Variants in SLC2A1 observed in about 807,000 individuals in gnomAD.
SLC2A1 encodes the protein solute carrier family 2, facilitated glucose transporter member 1.
A neutral mutation model predicts 46.6 loss-of-function variants in SLC2A1; 4 were observed. That is an observed-to-expected ratio of 0.09 (90% CI 0.04 to 0.20). The LOEUF is 0.20. Ranked by LOEUF, SLC2A1 falls within the 10% of genes least tolerant of loss-of-function variation. The pLI is 1.00. For synonymous variants in SLC2A1, 253 were observed against 270.0 expected, an observed-to-expected ratio of 0.94 and a Z score of 0.62; for missense variants, 352 against 667.0, an observed-to-expected ratio of 0.53 and a Z score of 5.20.
intron 2 of SLC2A1, among the ~76,000 whole-genome samples, chr1:42,935,185 G>A (rs1181822512): frequency 6.6e-6 from 1 of 152,142 alleles, no homozygotes; most frequent in Non-Finnish European, 1.5e-5. Flanking sequence ...CTGTCCAGGT[G>A]CCTCACTGAG....
intron 2 of SLC2A1, among the ~76,000 whole-genome samples, chr1:42,939,875 C>T (rs59042803): frequency 0.25 from 37,769 of 150,000 alleles, 5,123 homozygotes; most frequent in African/African-American, 0.35. Context: ...ACCACTTGAA[C>T]CCAGGAAGCG....
Position 42,954,460 on chromosome 1 carries a change from G to T in SLC2A1, c.18+4174C>A, listed in dbSNP as rs1041434024. ...GAACCACTAGAACCTGGGAGGCGAA[G>T]GTTGTGGTGAGCTGAGATTGTGTCA... On this transcript the variant is annotated intron_variant, in intron 1 of 9. Coordinates refer to ENST00000426263, the MANE Select transcript of SLC2A1 (RefSeq NM_006516.4). The surrounding 1 kb of genome is among the most constrained non-coding windows in gnomAD (Gnocchi z 4.2). Among the ~76,000 whole-genome samples, 19 of 152,248 alleles carry T rather than the reference G, an allele frequency of 1.2e-4. No individual in the cohort carries two copies. The highest frequency in any genetic ancestry group is 4.3e-4 in the African/African-American group (18 of 41,462).
intron 1 of SLC2A1, among the ~76,000 whole-genome samples, chr1:42,944,270 C>T (rs1178872994): frequency 6.6e-6 from 1 of 152,184 alleles, no homozygotes; most frequent in East Asian, 1.9e-4. Context: ...GTGAAGAGCC[C>T]TGCTTAGCCA....
chr1:42,949,765 T>C (rs1031148978), intron 1 of SLC2A1, among the ~76,000 whole-genome samples: 5 of 152,130 alleles, frequency 3.3e-5, no homozygotes, highest in African/African-American at 9.7e-5. Flanking sequence ...GGGGAGCGAT[T>C]ACTCCCTTTT....
At chr1:42,932,505 A>C (rs755302802) in intron 2 of SLC2A1, among the ~76,000 whole-genome samples, 16 of 152,124 alleles carry the variant, frequency 1.1e-4, no homozygotes, top group Admixed American at 3.9e-4. Flanking sequence ...ACAAACTCAC[A>C]TGCCCCTCAT....
intron 8 of SLC2A1, 102 bp downstream of exon 8, chr1:42,928,830 C>T: frequency 9.8e-7 from 1 of 1,020,556 alleles, no homozygotes; most frequent in Non-Finnish European, 1.5e-6. Context: ...AGAATGCAGC[C>T]ACCAAAAGGC....
chr1:42,928,840 C>T (rs970765950), intron 8 of SLC2A1, 92 bp downstream of exon 8: 14 of 1,155,030 alleles, frequency 1.2e-5, no homozygotes, highest in Middle Eastern at 3.8e-4. Flanking sequence ...CACCAAAAGG[C>T]CTGCCAGCCT....
intron 2 of SLC2A1, among the ~76,000 whole-genome samples, chr1:42,940,409 A>AT (rs1643585564): frequency 6.6e-6 from 1 of 152,230 alleles, no homozygotes; most frequent in Non-Finnish European, 1.5e-5. Flanking sequence ...TATTACTATG[A>AT]CAGGCACCGT....
Position 42,927,155 on chromosome 1 carries a change from A to G in SLC2A1, c.1365T>C (p.Thr455=). The G allele has an allele frequency of 6.2e-7, 1 of 1,614,184 alleles. No individual in the cohort carries two copies. Among genetic ancestry groups the G allele is most frequent in the Non-Finnish European group, 8.5e-7 (1 of 1,180,032 alleles). Residue 455 remains threonine, a synonymous_variant, in exon 10 of 10, where the codon ACT becomes ACC. Transcript: ENST00000426263. The surrounding 1 kb of genome is among the most constrained non-coding windows in gnomAD (Gnocchi z 5.3). Reference sequence around the variant, plus strand: ...CGATCTCATCGAAGGTCCGGCCTTTAGTCTCAGGAACTTTGAAGTAGGTGA... The same window carrying G: ...CGATCTCATCGAAGGTCCGGCCTTTGGTCTCAGGAACTTTGAAGTAGGTGA... ...FIFTYFKVPE[T]KGRTFDEIAS... is the part of the protein sequence containing the mutation.
chr1:42,933,616 C>T (rs1485204062), intron 2 of SLC2A1, among the ~76,000 whole-genome samples: 1 of 152,144 alleles, frequency 6.6e-6, no homozygotes, highest in East Asian at 1.9e-4. Flanking sequence ...AAGTGTTCTT[C>T]TGTGGACGAA....
intron 1 of SLC2A1, among the ~76,000 whole-genome samples, chr1:42,953,708 C>G (rs2124473269): frequency 6.6e-6 from 1 of 152,316 alleles, no homozygotes; most frequent in African/African-American, 2.4e-5. Context: ...TTGAGCAGAG[C>G]TCTGGGCCGA....
rs143588685 is a variant in SLC2A1, at chr1:42,928,983, G to A, written c.1023C>T (p.Leu341=). The A allele has an allele frequency of 7.4e-5, 119 of 1,613,904 alleles. 1 individual carries two copies. In the African/African-American group the frequency reaches 1.3e-3, roughly 18 times the overall value. Residue 341 remains leucine (L), a synonymous_variant, in exon 8 of 10, where the codon CTC becomes CTT. Coordinates refer to ENST00000426263, the MANE Select transcript of SLC2A1 (RefSeq NM_006516.4). ...GTATGGCACAACCCGCCATGCCAGCGAGGCCTATGAGGTGCAGGGTCCGCC... is the reference window on the plus strand; with the variant it reads ...GTATGGCACAACCCGCCATGCCAGCAAGGCCTATGAGGTGCAGGGTCCGCC... ...AGRRTLHLIG[L]AGMAGCAILM...
At chr1:42,957,755 AGTT>A (rs1643791275) in intron 1 of SLC2A1, among the ~76,000 whole-genome samples, 1 of 152,038 alleles carries the variant, frequency 6.6e-6, no homozygotes, top group Non-Finnish European at 1.5e-5. Flanking sequence ...CTATCTAGGG[AGTT>A]GTTGGTCCCC....
intron 2 of SLC2A1, among the ~76,000 whole-genome samples, chr1:42,939,255 T>C (rs1643572885): frequency 6.6e-6 from 1 of 152,244 alleles, no homozygotes; most frequent in South Asian, 2.1e-4. Context: ...ACATGTTACA[T>C]GTATCACTTC....
At chr1:42,943,373 A>G (rs764014483) in intron 1 of SLC2A1, 52 bp from the exon 2 acceptor site, 1 of 1,348,658 alleles carries the variant, frequency 7.4e-7, no homozygotes, top group South Asian at 1.2e-5. Flanking sequence ...GCAGGTTACT[A>G]CAGGGCAGGG....
rs1553155969 is a variant in SLC2A1, at chr1:42,928,956, G to A, written c.1050C>T (p.Leu350=). The A allele has an allele frequency of 2.5e-6, 4 of 1,613,834 alleles. No homozygotes were observed. Among genetic ancestry groups the A allele is most frequent in the African/African-American group, 1.3e-5 (1 of 74,952 alleles). The change falls in exon 8 of 10, where the codon CTC becomes CTT. Residue 350 remains leucine (L), a synonymous_variant. Coordinates refer to ENST00000426263, the MANE Select transcript of SLC2A1 (RefSeq NM_006516.4). ...CCAGCAGTGCTAGCGCGATGGTCAT[G>A]AGTATGGCACAACCCGCCATGCCAG... ...GLAGMAGCAI[L]MTIALALLEQ...
chr1:42,939,053 A>G (rs924580938), intron 2 of SLC2A1, among the ~76,000 whole-genome samples: 7 of 152,188 alleles, frequency 4.6e-5, no homozygotes, highest in African/African-American at 1.7e-4. Flanking sequence ...ACTGTCTAGG[A>G]CCGCATCTGG....
chr1:42,945,157 GC>G (rs59278929), intron 1 of SLC2A1, among the ~76,000 whole-genome samples: 2,868 of 152,298 alleles, frequency 0.019, 58 homozygotes, highest in African/African-American at 0.038. Flanking sequence ...GGTATTACCT[GC>G]ATTTGCTCAT....
intron 2 of SLC2A1, among the ~76,000 whole-genome samples, chr1:42,938,156 G>A (rs761187090): frequency 7.9e-5 from 12 of 152,166 alleles, no homozygotes; most frequent in Admixed American, 3.3e-4. Flanking sequence ...GGCAGTGCTC[G>A]GATGAGCCCA....
Sources: gnomAD v4.1 joint callset for allele counts (sites outside exome capture counted in the v4.1 genomes callset) on GRCh38, gnomAD v4.1.1 for gene constraint, Gnocchi (gnomAD v3.1) non-coding constraint, MANE v1.5 for transcripts, NCBI Gene and HGNC (gene_info 2026-07-23, HGNC 2026-07-21) for gene names.